Variants in C4orf17 observed in about 807,000 individuals in gnomAD.
The protein encoded by C4orf17 is chromosome 4 open reading frame 17.
A neutral mutation model predicts 32.0 loss-of-function variants in C4orf17; 25 were observed. The observed-to-expected ratio is 0.78, with a 90% confidence interval of 0.57 to 1.09. The LOEUF is 1.09. Ranked by LOEUF, C4orf17 falls within the 50% of genes least tolerant of loss-of-function variation. The probability of loss-of-function intolerance (pLI) is 0.00; values close to 1 mark genes in which losing one functional copy is unlikely to be tolerated. For missense variants in C4orf17, 420 were observed against 420.0 expected (o/e 1.00, Z 0.00); for synonymous variants, 149 against 145.8 (o/e 1.02, Z -0.16).
chr4:99,530,239 G>A (rs956978364), intron 5 of C4orf17, among the ~76,000 whole-genome samples: 5 of 151,940 alleles, frequency 3.3e-5, no homozygotes, highest in African/African-American at 4.8e-5. Flanking sequence ...TCCATCTTTC[G>A]TTATCATCTT....
intron 3 of C4orf17, 68 bp downstream of exon 3, chr4:99,522,777 T>C: frequency 8.1e-7 from 1 of 1,234,950 alleles, no homozygotes; most frequent in Non-Finnish European, 1.2e-6. Context: ...GGGGAGTCTA[T>C]ATGATGCTAA....
intron 5 of C4orf17, among the ~76,000 whole-genome samples, chr4:99,536,357 C>T (rs747984576): frequency 1.3e-5 from 2 of 152,186 alleles, no homozygotes; most frequent in Non-Finnish European, 2.9e-5. Context: ...CAACAGCTGC[C>T]TCTCCCCCAA....
At position 99,513,041 on chromosome 4, in the gene C4orf17, T is replaced by A. The variant is rs746895422; in HGVS notation, c.-41T>A. On this transcript the variant is annotated 5_prime_UTR_variant, in exon 2 of 9. Transcript: ENST00000326581. ...AATCAAGTTAGACCCCAAAAACTTT[T>A]GTGACAACAGTGAAGAGGGGAAAAT... 1 of 1,611,316 alleles carries A rather than the reference T, an allele frequency of 6.2e-7. No homozygotes were observed. Among genetic ancestry groups the A allele is most frequent in the Non-Finnish European group, 8.5e-7 (1 of 1,178,408 alleles).
chr4:99,515,114 C>A (rs531105166), intron 2 of C4orf17, among the ~76,000 whole-genome samples: 1 of 152,124 alleles, frequency 6.6e-6, no homozygotes, highest in Non-Finnish European at 1.5e-5. Context: ...GGTTAAAAAG[C>A]GGGTGAGGAT....
intron 4 of C4orf17, among the ~76,000 whole-genome samples, chr4:99,527,807 G>T (rs1421740034): frequency 6.6e-6 from 1 of 152,108 alleles, no homozygotes; most frequent in African/African-American, 2.4e-5. Flanking sequence ...TGTTGAAATC[G>T]CTAATTATAA....
At chr4:99,514,565 C>T (rs1723146636) in intron 2 of C4orf17, among the ~76,000 whole-genome samples, 1 of 152,130 alleles carries the variant, frequency 6.6e-6, no homozygotes, top group Admixed American at 6.5e-5. Context: ...TATCACCTTA[C>T]TCCTGTAAGA....
intron 5 of C4orf17, among the ~76,000 whole-genome samples, chr4:99,535,216 A>C (rs1025175321): frequency 2.0e-5 from 3 of 152,038 alleles, no homozygotes; most frequent in African/African-American, 7.2e-5. Flanking sequence ...GATGTATCTT[A>C]GGGTGGATCT....
rs536894904 is a variant in C4orf17 at position 99,539,048 on chromosome 4, T to C, written c.629-115T>C. Reference sequence around the variant, plus strand: ...GTCCTTACTCCCACATAGGTAACTATCCAGAAAATAGATGACCAGTCTTTC... The same window carrying C: ...GTCCTTACTCCCACATAGGTAACTACCCAGAAAATAGATGACCAGTCTTTC... On this transcript the variant is annotated intron_variant, in intron 6 of 8. Coordinates refer to ENST00000326581, the MANE Select transcript of C4orf17 (RefSeq NM_032149.3). 4 of 954,702 alleles carry C rather than the reference T, an allele frequency of 4.2e-6. No homozygotes were observed. The Admixed American group carries it at 6.5e-5, about 16-fold the overall frequency. 59.1% of individuals were successfully genotyped at this position (954,702 alleles called of 1,614,324 possible).
At chr4:99,537,224 A>G (rs912653925) in intron 5 of C4orf17, among the ~76,000 whole-genome samples, 1 of 152,074 alleles carries the variant, frequency 6.6e-6, no homozygotes, top group African/African-American at 2.4e-5. Context: ...TGTTAATTGT[A>G]TATCAAATAA....
At chr4:99,522,767 G>A in intron 3 of C4orf17, 58 bp downstream of exon 3, 1 of 1,376,358 alleles carries the variant, frequency 7.3e-7, no homozygotes, top group Non-Finnish European at 1.0e-6. Context: ...ACAAGGCTGT[G>A]GGGAGTCTAT....
chr4:99,521,217 CA>C lies in C4orf17; in HGVS notation c.128-1277del, dbSNP rs536484730. Among the ~76,000 whole-genome samples, 11 of 151,976 alleles carry C rather than the reference CA, an allele frequency of 7.2e-5. 1 individual carries two copies. The East Asian group carries it at 2.1e-3, about 29-fold the overall frequency. ...TGAAACCTCGTCTCTACCAAAGATA[CA>C]AAAAATTAGACGGACATGATGGTGC... On this transcript the variant is annotated intron_variant, in intron 2 of 8. Transcript: ENST00000326581.
intron 5 of C4orf17, 122 bp from the exon 6 acceptor site, chr4:99,537,547 C>T (rs995648845): frequency 2.9e-4 from 201 of 700,710 alleles, no homozygotes; most frequent in South Asian, 6.1e-4. Context: ...TCCCAATTAA[C>T]TAAATTGCAC....
At chr4:99,533,111 T>G (rs1723504286) in intron 5 of C4orf17, among the ~76,000 whole-genome samples, 2 of 152,178 alleles carry the variant, frequency 1.3e-5, no homozygotes, top group African/African-American at 4.8e-5. Flanking sequence ...TTATAAGTCC[T>G]ATCAAGGTGT....
chr4:99,539,654 C>A (rs1723619967), intron 7 of C4orf17, among the ~76,000 whole-genome samples: 1 of 152,026 alleles, frequency 6.6e-6, no homozygotes, highest in Admixed American at 6.6e-5. Flanking sequence ...GCAAGAGTGG[C>A]TACCTAGAAA....
intron 2 of C4orf17, among the ~76,000 whole-genome samples, chr4:99,514,242 AAAAT>A (rs1238227217): frequency 1.4e-4 from 22 of 152,184 alleles, no homozygotes; most frequent in African/African-American, 5.3e-4. Context: ...AACAAAAACA[AAAAT>A]AAATAAATAA....
chr4:99,533,593 C>T (rs562519535), intron 5 of C4orf17, among the ~76,000 whole-genome samples: 46 of 152,254 alleles, frequency 3.0e-4, no homozygotes, highest in African/African-American at 5.5e-4. Flanking sequence ...GTGGCTGGAA[C>T]TTGCAAAGTA....
chr4:99,535,709 A>G (rs892022001), intron 5 of C4orf17, among the ~76,000 whole-genome samples: 1 of 152,020 alleles, frequency 6.6e-6, no homozygotes, highest in African/African-American at 2.4e-5. Flanking sequence ...ATTTGTTATT[A>G]CCCACCTTCT....
chr4:99,515,506 G>C (rs1304659704), intron 2 of C4orf17, among the ~76,000 whole-genome samples: 1 of 151,818 alleles, frequency 6.6e-6, no homozygotes, highest in Non-Finnish European at 1.5e-5. Context: ...GAGAACACAG[G>C]GACACATAGA....
At chr4:99,532,478 G>A (rs112220039) in intron 5 of C4orf17, among the ~76,000 whole-genome samples, 1 of 152,094 alleles carries the variant, frequency 6.6e-6, no homozygotes, top group Non-Finnish European at 1.5e-5. Context: ...ATTCTCACCA[G>A]TAAATGGGAC....
Sources: gnomAD v4.1 joint callset for allele counts (sites outside exome capture counted in the v4.1 genomes callset) on GRCh38, gnomAD v4.1.1 for gene constraint, MANE v1.5 for transcripts, NCBI Gene and HGNC (gene_info 2026-07-23, HGNC 2026-07-21) for gene names.